The following KIF2A variants were observed in gnomAD, a reference collection of about 807,000 sequenced individuals.
KIF2A encodes kinesin family member 2A.
A neutral mutation model predicts 100.2 loss-of-function variants in KIF2A; 22 were observed. That is an observed-to-expected ratio of 0.22 (90% CI 0.16 to 0.31). KIF2A has a LOEUF of 0.31. Among genes scored for constraint, KIF2A ranks in the 10% least tolerant of loss-of-function variants. The pLI, the probability that KIF2A is intolerant of heterozygous loss-of-function variation, is 1.00. For missense variants in KIF2A, 495 were observed against 898.7 expected (o/e 0.55, Z 5.74); for synonymous variants, 268 against 285.9 (o/e 0.94, Z 0.63).
chr5:62,317,637 A>C (rs1422032786), intron 1 of KIF2A, among the ~76,000 whole-genome samples: 3 of 152,224 alleles, frequency 2.0e-5, no homozygotes, highest in Non-Finnish European at 4.4e-5. Flanking sequence ...AAGTCACATA[A>C]TTAATTTCAT....
At chr5:62,364,892 C>G (rs188383649) in intron 14 of KIF2A, among the ~76,000 whole-genome samples, 3 of 152,128 alleles carry the variant, frequency 2.0e-5, no homozygotes, top group African/African-American at 7.2e-5. Context: ...GTCAGGAGTT[C>G]GATACCAGCC....
chr5:62,358,246 A>G lies in KIF2A; in HGVS notation c.819A>G (p.Thr273=). The change falls in exon 9 of 21, where the codon ACA becomes ACG. Residue 273 remains threonine, a synonymous_variant. Transcript: ENST00000407818. ...TAACAAGGTACCTAGAAAACCAAAC[A>G]TTTCGTTTTGATTATGCCTTTGATG... ...VDLTRYLENQ[T]FRFDYAFDDS... is the part of the protein sequence containing the mutation. 1 of 1,603,364 alleles carries G rather than the reference A, an allele frequency of 6.2e-7. No individual in the cohort carries two copies. Among genetic ancestry groups the G allele is most frequent in the Non-Finnish European group, 8.5e-7 (1 of 1,176,436 alleles).
chr5:62,335,863 A>G, intron 1 of KIF2A, among the ~76,000 whole-genome samples: 1 of 152,214 alleles, frequency 6.6e-6, no homozygotes, highest in East Asian at 1.9e-4. Context: ...ACTTTTAAAT[A>G]TGTCTCTGGA....
intron 1 of KIF2A, among the ~76,000 whole-genome samples, chr5:62,324,474 A>G (rs1746263111): frequency 6.6e-6 from 1 of 152,238 alleles, no homozygotes; most frequent in South Asian, 2.1e-4. Flanking sequence ...GCAAAGCTGC[A>G]GTAACCAAAA....
intron 1 of KIF2A, among the ~76,000 whole-genome samples, chr5:62,332,069 G>A (rs1746685261): frequency 6.6e-6 from 1 of 152,130 alleles, no homozygotes; most frequent in African/African-American, 2.4e-5. Context: ...CTAATTGGTT[G>A]CTGGCATTTC....
chr5:62,325,356 T>G (rs539267309), intron 1 of KIF2A, among the ~76,000 whole-genome samples: 8 of 152,078 alleles, frequency 5.3e-5, no homozygotes, highest in African/African-American at 1.9e-4. Flanking sequence ...ACTCCTGACC[T>G]CAGGTGATCC....
chr5:62,374,954 A>C (rs570918122), intron 18 of KIF2A, among the ~76,000 whole-genome samples: 1 of 152,204 alleles, frequency 6.6e-6, no homozygotes, highest in Non-Finnish European at 1.5e-5. Context: ...GCTTAGAAAC[A>C]AAAGAACTGT....
chr5:62,348,813 G>A (rs1747702321), intron 3 of KIF2A, among the ~76,000 whole-genome samples: 1 of 149,942 alleles, frequency 6.7e-6, no homozygotes, highest in South Asian at 2.1e-4. Flanking sequence ...GCGGTTCTTT[G>A]TGTTCATCTC....
At chr5:62,313,135 A>G (rs1459038724) in intron 1 of KIF2A, among the ~76,000 whole-genome samples, 2 of 152,206 alleles carry the variant, frequency 1.3e-5, no homozygotes, top group Admixed American at 6.5e-5. Flanking sequence ...TGCCCTCACA[A>G]ACAAGTAAAT....
chr5:62,320,960 A>G (rs1324689729), intron 1 of KIF2A, among the ~76,000 whole-genome samples: 2 of 152,156 alleles, frequency 1.3e-5, no homozygotes, highest in African/African-American at 4.8e-5. Context: ...GGCCTTTAGT[A>G]TCTGCCATTA....
chr5:62,333,597 C>A (rs942433809), intron 1 of KIF2A, among the ~76,000 whole-genome samples: 17 of 152,260 alleles, frequency 1.1e-4, no homozygotes, highest in African/African-American at 4.1e-4. Flanking sequence ...CACCCAGTTA[C>A]ACACCCAAAA....
chr5:62,363,446 G>A, intron 13 of KIF2A, 126 bp downstream of exon 13: 1 of 888,020 alleles, frequency 1.1e-6, no homozygotes, highest in Non-Finnish European at 1.7e-6. Flanking sequence ...AAAAACTTGT[G>A]TTACATGTAA....
intron 20 of KIF2A, among the ~76,000 whole-genome samples, chr5:62,383,009 C>T (rs2112012116): frequency 6.6e-6 from 1 of 151,108 alleles, no homozygotes; most frequent in African/African-American, 2.4e-5. Context: ...TCACTGCGAC[C>T]TCCGCCTCCC....
chr5:62,375,327 G>A (rs555195967), intron 18 of KIF2A, among the ~76,000 whole-genome samples: 2 of 152,288 alleles, frequency 1.3e-5, no homozygotes, highest in African/African-American at 2.4e-5. Context: ...ATCATGTTAA[G>A]TTAGCATTGA....
chr5:62,390,814 T>A lies in KIF2A; in HGVS notation c.*5245T>A, dbSNP rs1381845690. On this transcript the variant is annotated 3_prime_UTR_variant, in exon 21 of 21. Coordinates refer to ENST00000407818, the MANE Select transcript of KIF2A (RefSeq NM_001098511.3). The stretch of plus-strand genomic sequence containing the variant: ...ATACCGCTTAAAAGCCTTTAAAATC[T>A]CCAATCTGAAGGTGTCACAGTAAAG... 36 of 1,379,722 alleles carry A rather than the reference T, an allele frequency of 2.6e-5. No homozygotes were observed. Among genetic ancestry groups the A allele is most frequent in the Non-Finnish European group, 3.4e-5 (33 of 968,530 alleles). The allele number at this position is 1,379,722 out of a possible 1,614,324, so 85.5% of individuals were successfully genotyped here.
At chr5:62,325,133 T>G (rs1236948703) in intron 1 of KIF2A, among the ~76,000 whole-genome samples, 1 of 152,188 alleles carries the variant, frequency 6.6e-6, no homozygotes, top group Non-Finnish European at 1.5e-5. Flanking sequence ...TTCTTTTCTT[T>G]TCTTTTTTTG....
At chr5:62,362,665 C>G (rs1316783991) in intron 12 of KIF2A, 124 bp downstream of exon 12, 1 of 394,262 alleles carries the variant, frequency 2.5e-6, no homozygotes, top group East Asian at 4.3e-5. Flanking sequence ...GCGTTTACCA[C>G]CATAATTTAT....
At chr5:62,381,905 TC>T (rs1188221879) in intron 20 of KIF2A, among the ~76,000 whole-genome samples, 5 of 152,232 alleles carry the variant, frequency 3.3e-5, no homozygotes, top group African/African-American at 1.2e-4. Context: ...AAGATGACTA[TC>T]CTCTGTACCT....
intron 15 of KIF2A, 39 bp downstream of exon 15, chr5:62,365,392 C>A: frequency 2.9e-6 from 3 of 1,028,098 alleles, no homozygotes; most frequent in Non-Finnish European, 4.4e-6. Flanking sequence ...TTATTTTAAT[C>A]CTAAAGGAAT....
Sources: allele counts gnomAD v4.1 joint callset (sites outside exome capture counted in the v4.1 genomes callset), GRCh38; gene constraint gnomAD v4.1.1; transcripts MANE v1.5; gene names NCBI Gene and HGNC (gene_info 2026-07-23, HGNC 2026-07-21).